Variants in HACD1 observed in about 807,000 individuals in gnomAD.
The protein encoded by HACD1 is 3-hydroxyacyl-CoA dehydratase 1.
HACD1 carries 41 observed loss-of-function variants against 32.0 expected under a neutral mutation model. The observed-to-expected ratio is 1.28, with a 90% CI of 1.00 to 1.66. The LOEUF is 1.66. HACD1 is among the 40% of genes most tolerant of loss of function. HACD1 has a pLI of 0.00. For synonymous variants in HACD1, 142 were observed against 139.0 expected (o/e 1.02, Z -0.15); for missense variants, 396 against 380.1 (o/e 1.04, Z -0.35).
At chr10:17,606,178 CAAG>C (rs1834145309) in intron 1 of HACD1, among the ~76,000 whole-genome samples, 1 of 151,788 alleles carries the variant, frequency 6.6e-6, no homozygotes, top group Non-Finnish European at 1.5e-5. Flanking sequence ...TCAAAAAAAA[CAAG>C]AGAGAGAGAA....
rs373930234 is a variant in HACD1 at position 17,616,885 on chromosome 10, C to T, written c.257+198G>A. Among the ~76,000 whole-genome samples, 11 of 152,196 alleles carry T rather than the reference C, an allele frequency of 7.2e-5. No individual in the cohort carries two copies. The East Asian group carries it at 1.8e-3, about 24-fold the overall frequency. The stretch of plus-strand genomic sequence containing the variant: ...GCGCCCCGCCGTGCACCGTATTAGG[C>T]AATGCCAGGCGCGCAGGGCCCGGCC... On this transcript the variant is annotated intron_variant, in intron 1 of 6. Coordinates refer to ENST00000361271, the MANE Select transcript of HACD1 (RefSeq NM_014241.4).
chr10:17,593,122 A>T (rs1833949490), intron 6 of HACD1, among the ~76,000 whole-genome samples: 1 of 152,036 alleles, frequency 6.6e-6, no homozygotes, highest in Non-Finnish European at 1.5e-5. Flanking sequence ...GTGAGCTGAG[A>T]TGGCGCCACT....
intron 5 of HACD1, among the ~76,000 whole-genome samples, chr10:17,598,339 GTAATT>G (rs1175905992): frequency 1.3e-5 from 2 of 150,312 alleles, no homozygotes; most frequent in African/African-American, 2.5e-5. Flanking sequence ...GAGATTATAA[GTAATT>G]TAAAAGTGGT....
In HACD1 at chr10:17,604,049, T is replaced by TA. The variant is rs76004443; in HGVS notation, c.258-3dup. 20,698 of 1,168,966 alleles carry TA rather than the reference T, an allele frequency of 0.018. No homozygotes were observed. The highest frequency in any genetic ancestry group is 0.021 in the South Asian group (1,273 of 60,288). The allele number at this position is 1,168,966 out of a possible 1,614,324, so 72.4% of individuals were successfully genotyped here. On this transcript the variant is annotated splice_polypyrimidine_tract_variant and splice_region_variant and intron_variant, in intron 1 of 6. Transcript: ENST00000361271. ...ATGGCAATAGCTAGAACCAACCACC[T>TA]AAAAAAAAAAAGTATTTCATAAAGT... is the stretch of plus-strand genomic sequence containing the variant.
chr10:17,615,042 G>A (rs1833054359), intron 1 of HACD1, among the ~76,000 whole-genome samples: 1 of 152,216 alleles, frequency 6.6e-6, no homozygotes, highest in African/African-American at 2.4e-5. Flanking sequence ...GTGAGCCACC[G>A]CGCCCGGCTC....
intron 5 of HACD1, among the ~76,000 whole-genome samples, chr10:17,596,131 A>G (rs2131505423): frequency 6.6e-6 from 1 of 152,366 alleles, no homozygotes; most frequent in African/African-American, 2.4e-5. Context: ...AAGAAAAGTC[A>G]AAGTTGTCAG....
intron 5 of HACD1, 189 bp downstream of exon 5, chr10:17,599,101 T>C: frequency 9.4e-7 from 1 of 1,061,126 alleles, no homozygotes; most frequent in Non-Finnish European, 1.2e-6. Context: ...ATTAATACGA[T>C]TCCTCTCTCA....
In HACD1 at chr10:17,599,370, C is replaced by T. The variant is rs1554816286; in HGVS notation, c.525G>A (p.Trp175Ter). The change falls in exon 5 of 7, where the codon TGG becomes TGA. Residue 175 changes from tryptophan (W) to a stop codon, truncating the protein, a stop_gained. Transcript: ENST00000361271. LOFTEE classifies it high-confidence loss of function. ...EESVVLFLVA[W>*]TVTEITRYSF... ...AATAGCGAGTGATCTCTGTCACAGTCCACGCGACCAGAAAAAGCACCACAC... is the reference window on the plus strand; with the variant it reads ...AATAGCGAGTGATCTCTGTCACAGTTCACGCGACCAGAAAAAGCACCACAC... The T allele has an allele frequency of 6.2e-7, 1 of 1,613,816 alleles. No individual in the cohort carries two copies.
chr10:17,599,978 G>T (rs1392262986), intron 4 of HACD1, among the ~76,000 whole-genome samples: 1 of 152,118 alleles, frequency 6.6e-6, no homozygotes, highest in Non-Finnish European at 1.5e-5. Context: ...AGTTTCACTG[G>T]TCCCACACTT....
At chr10:17,603,241 C>T in intron 4 of HACD1, 1 of 212,978 alleles carries the variant, frequency 4.7e-6, no homozygotes, top group Admixed American at 5.5e-5. Context: ...AAGAGGACAA[C>T]TTGGATTGAA....
chr10:17,604,906 A>G (rs1460328588), intron 1 of HACD1, among the ~76,000 whole-genome samples: 5 of 152,090 alleles, frequency 3.3e-5, no homozygotes, highest in African/African-American at 1.2e-4. Context: ...GGTTTTCGCC[A>G]TGTTGCCCAG....
chr10:17,591,556 T>G (rs892201892), intron 6 of HACD1, among the ~76,000 whole-genome samples: 4 of 152,228 alleles, frequency 2.6e-5, no homozygotes, highest in African/African-American at 9.6e-5. Flanking sequence ...TTGGACAAAT[T>G]GTCATCTGTC....
chr10:17,603,933 A>C lies in HACD1; in HGVS notation c.372T>G (p.Leu124=), dbSNP rs782574659. The C allele has an allele frequency of 6.3e-7, 1 of 1,599,822 alleles. No homozygotes were observed. The highest frequency in any genetic ancestry group is 1.1e-5 in the South Asian group (1 of 89,782). The change falls in exon 2 of 7, where the codon CTT becomes CTG. Residue 124 remains leucine, a synonymous_variant. Coordinates refer to ENST00000361271, the MANE Select transcript of HACD1 (RefSeq NM_014241.4). ...AACAGCATGATGGAAAACTTACCTC[A>C]AGCAAGGCAAATGTCTGGAAAAATT... ...TLKFFQTFAL[L]EIVHCLIGIV...
intron 1 of HACD1, among the ~76,000 whole-genome samples, chr10:17,606,025 A>T (rs1834142466): frequency 6.6e-6 from 1 of 152,034 alleles, no homozygotes; most frequent in East Asian, 1.9e-4. Flanking sequence ...AAAAAAAAAA[A>T]TTTTAGAGGC....
chr10:17,602,142 T>A lies in HACD1; in HGVS notation c.483+1418A>T, dbSNP rs188485212. Among the ~76,000 whole-genome samples, 98 of 151,284 alleles carry A rather than the reference T, an allele frequency of 6.5e-4. 1 individual carries two copies. The highest frequency in any genetic ancestry group is 2.3e-3 in the African/African-American group (95 of 41,156). ...TGGAGTGCAGTGGTGCGATCTCAGC[T>A]CACTGCACCCTCCACCTCCCAGGTT... On this transcript the variant is annotated intron_variant, in intron 4 of 6. Coordinates refer to ENST00000361271, the MANE Select transcript of HACD1 (RefSeq NM_014241.4).
chr10:17,609,979 T>C (rs1418579923), intron 1 of HACD1, among the ~76,000 whole-genome samples: 2 of 135,986 alleles, frequency 1.5e-5, no homozygotes, highest in African/African-American at 2.8e-5. Context: ...TGAGACTCCA[T>C]CTCAAAAAAA....
intron 5 of HACD1, among the ~76,000 whole-genome samples, chr10:17,595,948 T>C (rs1833990361): frequency 6.6e-6 from 1 of 152,050 alleles, no homozygotes. Context: ...ACCGCACCAC[T>C]GTACTCCAGC....
At chr10:17,598,239 G>A (rs1834020720) in intron 5 of HACD1, among the ~76,000 whole-genome samples, 2 of 119,072 alleles carry the variant, frequency 1.7e-5, no homozygotes, top group Non-Finnish European at 3.2e-5. Flanking sequence ...CAGCCTGGGT[G>A]ACAGAATGAG....
rs138699109 is a variant in HACD1, at chr10:17,599,304, G to A, written c.591C>T (p.Phe197=). ...TFSLLDHLPY[F]IKWARYNFFI... ...GATATCGCCACCTGGCCCATTTAAT[G>A]AAGTATGGCAAGTGGTCAAGAAGGC... is the stretch of plus-strand genomic sequence containing the variant. Residue 197 remains phenylalanine, a synonymous_variant, in exon 5 of 7, where the codon TTC becomes TTT. Transcript: ENST00000361271. The A allele has an allele frequency of 9.3e-6, 15 of 1,613,880 alleles. No individual in the cohort carries two copies. The highest frequency in any genetic ancestry group is 8.8e-5 in the South Asian group (8 of 91,082).
Sources: allele counts gnomAD v4.1 joint callset (sites outside exome capture counted in the v4.1 genomes callset), GRCh38; gene constraint gnomAD v4.1.1; transcripts MANE v1.5; gene names NCBI Gene and HGNC (gene_info 2026-07-23, HGNC 2026-07-21).